Variants in ENTHD1 observed in about 807,000 individuals in gnomAD.
The protein encoded by ENTHD1 is ENTH domain-containing protein 1.
ENTHD1 carries 23 observed loss-of-function variants against 39.1 expected under a neutral mutation model. The ratio of observed to expected loss-of-function variants is 0.59; its 90% CI spans 0.42 to 0.83. The LOEUF (loss-of-function observed/expected upper bound fraction) is 0.83. Ranked by LOEUF, ENTHD1 falls within the 40% of genes least tolerant of loss-of-function variation. ENTHD1 has a pLI of 0.00. For synonymous variants in ENTHD1, 230 were observed against 258.2 expected (o/e 0.89, Z 1.05); for missense variants, 624 against 705.4 (o/e 0.88, Z 1.31).
At chr22:39,875,813 T>G in intron 2 of ENTHD1, 3 of 1,613,582 alleles carry the variant, frequency 1.9e-6, no homozygotes, top group Non-Finnish European at 2.5e-6. Flanking sequence ...CAAACCCCTG[T>G]TTGTACGTCA....
At chr22:39,842,640 AGC>A (rs1443300796) in intron 3 of ENTHD1, among the ~76,000 whole-genome samples, 2 of 152,108 alleles carry the variant, frequency 1.3e-5, no homozygotes, top group African/African-American at 4.8e-5. Context: ...GCTTCTGTAC[AGC>A]AAAAGAAACG....
intron 2 of ENTHD1, among the ~76,000 whole-genome samples, chr22:39,862,560 AAAAG>A (rs200912569): frequency 0.026 from 3,874 of 150,940 alleles, 144 homozygotes; most frequent in African/African-American, 0.089. Flanking sequence ...AAAAAAAAAA[AAAAG>A]AAAGAAAAAG....
chr22:39,872,114 GA>G (rs1253446030), intron 2 of ENTHD1, among the ~76,000 whole-genome samples: 2 of 152,088 alleles, frequency 1.3e-5, no homozygotes, highest in Non-Finnish European at 2.9e-5. Flanking sequence ...AATTAAATCT[GA>G]TCCACTTTTA....
intron 5 of ENTHD1, among the ~76,000 whole-genome samples, chr22:39,771,451 T>C (rs911281139): frequency 1.2e-4 from 18 of 151,910 alleles, no homozygotes; most frequent in African/African-American, 4.4e-4. Flanking sequence ...ACCACAGCAC[T>C]GGAAAGGGGA....
At chr22:39,846,028 A>G (rs939755203) in intron 3 of ENTHD1, among the ~76,000 whole-genome samples, 2 of 152,186 alleles carry the variant, frequency 1.3e-5, no homozygotes, top group Admixed American at 6.5e-5. Context: ...CCATGCATTT[A>G]TGGCCAACTG....
chr22:39,891,349 AT>A (rs1045094264), intron 1 of ENTHD1, among the ~76,000 whole-genome samples: 3 of 152,204 alleles, frequency 2.0e-5, no homozygotes, highest in African/African-American at 7.2e-5. Context: ...CTGTAATCCT[AT>A]CCCTAACAGC....
intron 5 of ENTHD1, among the ~76,000 whole-genome samples, chr22:39,772,809 T>C (rs137887721): frequency 6.6e-6 from 1 of 152,172 alleles, no homozygotes; most frequent in African/African-American, 2.4e-5. Flanking sequence ...GAACGATAAG[T>C]ATAAGAAAGC....
chr22:39,817,739 A>G (rs1490034661), intron 5 of ENTHD1, among the ~76,000 whole-genome samples: 3 of 152,158 alleles, frequency 2.0e-5, no homozygotes, highest in South Asian at 2.1e-4. Context: ...TAAACTGTAT[A>G]ATGGGGAAAT....
chr22:39,773,501 G>A (rs567833022), intron 5 of ENTHD1, among the ~76,000 whole-genome samples: 2 of 152,154 alleles, frequency 1.3e-5, no homozygotes, highest in South Asian at 2.1e-4. Context: ...CTAAATATTT[G>A]GAAATTTAGA....
intron 6 of ENTHD1, among the ~76,000 whole-genome samples, chr22:39,753,291 C>T (rs2065160928): frequency 6.6e-6 from 1 of 152,162 alleles, no homozygotes; most frequent in Non-Finnish European, 1.5e-5. Context: ...TACTAGCTTC[C>T]TCCTCCTTTT....
intron 5 of ENTHD1, among the ~76,000 whole-genome samples, chr22:39,813,791 G>T (rs1336066929): frequency 6.6e-6 from 1 of 152,114 alleles, no homozygotes; most frequent in Admixed American, 6.5e-5. Flanking sequence ...TAGATTAAAT[G>T]ATTTTCAACC....
intron 4 of ENTHD1, among the ~76,000 whole-genome samples, chr22:39,834,855 C>A (rs1017007334): frequency 2.6e-5 from 4 of 152,046 alleles, no homozygotes; most frequent in Non-Finnish European, 5.9e-5. Context: ...TTACACTGAG[C>A]GAAAAAATTC....
Position 39,765,286 on chromosome 22 carries a change from A to G in ENTHD1, c.1156T>C (p.Tyr386His). The stretch of plus-strand genomic sequence containing the variant: ...ATGCTGGATTGTGCTGGTTTCTGGT[A>G]GGCCTTGTTGATTACAATCTCCTTC... Reference protein sequence around the residue: ...RVKEIVINKAYQKPAQSSIQM... With the variant: ...RVKEIVINKAHQKPAQSSIQM... Residue 386 changes from tyrosine to histidine, a missense_variant, in exon 6 of 7, where the codon TAC becomes CAC. Transcript: ENST00000325157. 4 of 1,613,374 alleles carry G rather than the reference A, an allele frequency of 2.5e-6. No individual in the cohort carries two copies. Among genetic ancestry groups the G allele is most frequent in the Non-Finnish European group, 3.4e-6 (4 of 1,179,924 alleles).
At chr22:39,857,326 C>T (rs2066099774) in intron 3 of ENTHD1, among the ~76,000 whole-genome samples, 1 of 151,656 alleles carries the variant, frequency 6.6e-6, no homozygotes, top group South Asian at 2.1e-4. Context: ...CCTGTAATCC[C>T]AGCTACTCTG....
chr22:39,790,588 G>A (rs2065495877), intron 5 of ENTHD1, among the ~76,000 whole-genome samples: 1 of 152,100 alleles, frequency 6.6e-6, no homozygotes, highest in Admixed American at 6.5e-5. Context: ...TCACATCTGT[G>A]CAGCCCTTGC....
intron 5 of ENTHD1, among the ~76,000 whole-genome samples, chr22:39,814,057 A>G (rs2065714109): frequency 6.6e-6 from 1 of 152,222 alleles, no homozygotes; most frequent in Non-Finnish European, 1.5e-5. Flanking sequence ...TTAAATGAAT[A>G]GAATGATTGG....
rs761202462 is a variant in ENTHD1 at position 39,887,581 on chromosome 22, C to A, written c.168G>T (p.Met56Ile). ...NTISLSEIMNMLWHRLNDHGK... is the reference protein window; with the variant it reads ...NTISLSEIMNILWHRLNDHGK... The stretch of plus-strand genomic sequence containing the variant: ...CATGGTCATTGAGTCTGTGCCACAG[C>A]ATATTCATAATCTCTGAGAGAGAAA... The change falls in exon 2 of 7, where the codon ATG (methionine) becomes ATT (isoleucine). Residue 56 changes from methionine to isoleucine, a missense_variant. By Grantham distance (10) the Met-to-Ile change is conservative (BLOSUM62 1). Coordinates refer to ENST00000325157, the MANE Select transcript of ENTHD1 (RefSeq NM_152512.4). 6.2e-7 allele frequency: 1 copy of A among 1,614,156 alleles called. No homozygotes were observed. Among genetic ancestry groups the A allele is most frequent in the East Asian group, 2.2e-5 (1 of 44,888 alleles).
At chr22:39,881,691 C>A (rs949933430) in intron 2 of ENTHD1, among the ~76,000 whole-genome samples, 2 of 152,060 alleles carry the variant, frequency 1.3e-5, no homozygotes, top group African/African-American at 4.8e-5. Flanking sequence ...TACACTATGT[C>A]AGATGAGAAG....
intron 6 of ENTHD1, among the ~76,000 whole-genome samples, chr22:39,755,347 G>C (rs957091359): frequency 1.3e-5 from 2 of 152,132 alleles, no homozygotes; most frequent in African/African-American, 4.8e-5. Context: ...GGTGGGCCGG[G>C]AGTGTTCTGG....
Sources: allele counts gnomAD v4.1 joint callset (sites outside exome capture counted in the v4.1 genomes callset), GRCh38; gene constraint gnomAD v4.1.1; transcripts MANE v1.5; gene names NCBI Gene and HGNC (gene_info 2026-07-23, HGNC 2026-07-21).